The following MGLL variants were observed in gnomAD, a reference collection of about 807,000 sequenced individuals.
MGLL encodes lysophospholipase homolog.
A neutral mutation model predicts 29.1 loss-of-function variants in MGLL; 7 were observed. That is an observed-to-expected ratio of 0.24 (90% CI 0.14 to 0.45). The LOEUF is 0.45. Among genes scored for constraint, MGLL ranks in the 20% least tolerant of loss-of-function variants. The pLI, the probability that MGLL is intolerant of heterozygous loss-of-function variation, is 0.99. For missense variants in MGLL, 356 were observed against 413.6 expected (o/e 0.86, Z 1.21); for synonymous variants, 148 against 168.3 (o/e 0.88, Z 0.93).
At chr3:127,807,139 T>G (rs968362414) in intron 2 of MGLL, among the ~76,000 whole-genome samples, 1 of 152,196 alleles carries the variant, frequency 6.6e-6, no homozygotes, top group African/African-American at 2.4e-5. Context: ...TGTTGGTAGT[T>G]TTTTTAGTTT....
At chr3:127,768,079 A>G (rs925333185) in intron 3 of MGLL, among the ~76,000 whole-genome samples, 2 of 152,244 alleles carry the variant, frequency 1.3e-5, no homozygotes. Flanking sequence ...AAACTCCTTG[A>G]AAAACACTAC....
chr3:127,726,158 A>G (rs1404041726), intron 3 of MGLL, among the ~76,000 whole-genome samples: 2 of 29,232 alleles, frequency 6.8e-5, no homozygotes, highest in African/African-American at 2.7e-4. Context: ...GAAAGAAAGA[A>G]AGAAAGAAAG....
chr3:127,811,833 G>A (rs548103422), intron 2 of MGLL, among the ~76,000 whole-genome samples: 14 of 152,380 alleles, frequency 9.2e-5, no homozygotes, highest in African/African-American at 3.4e-4. Flanking sequence ...AGACTGGCAA[G>A]CCTCTAGCTG....
chr3:127,712,874 G>T (rs3773138), intron 5 of MGLL: 5,782 of 152,310 alleles, frequency 0.038, 132 homozygotes, highest in East Asian at 0.11. Context: ...TTTCAAACAC[G>T]GATCAAATGT....
At chr3:127,770,469 C>A (rs1183235620) in intron 3 of MGLL, among the ~76,000 whole-genome samples, 2 of 152,138 alleles carry the variant, frequency 1.3e-5, no homozygotes, top group African/African-American at 4.8e-5. Context: ...CCCCACAGCC[C>A]CTTGGAGGAT....
At chr3:127,750,788 T>C (rs574737260) in intron 3 of MGLL, among the ~76,000 whole-genome samples, 2 of 152,332 alleles carry the variant, frequency 1.3e-5, no homozygotes, top group African/African-American at 4.8e-5. Flanking sequence ...AATAAAGGCT[T>C]CCCTACCCCC....
At chr3:127,809,484 G>T (rs577782514) in intron 2 of MGLL, among the ~76,000 whole-genome samples, 2 of 152,186 alleles carry the variant, frequency 1.3e-5, no homozygotes, top group African/African-American at 4.8e-5. Flanking sequence ...AAATTGTCTG[G>T]GTATGGTGGC....
intron 3 of MGLL, among the ~76,000 whole-genome samples, chr3:127,735,476 T>G (rs980039606): frequency 6.6e-6 from 1 of 152,152 alleles, no homozygotes; most frequent in South Asian, 2.1e-4. Context: ...AAACACAAAG[T>G]GAAGAAAGCA....
chr3:127,746,413 T>C (rs1407707496), intron 3 of MGLL, among the ~76,000 whole-genome samples: 2 of 151,916 alleles, frequency 1.3e-5, no homozygotes, highest in Non-Finnish European at 2.9e-5. Context: ...CCCCAGGCGG[T>C]CCCCATTCAC....
intron 6 of MGLL, among the ~76,000 whole-genome samples, chr3:127,698,216 G>A (rs2075409975): frequency 6.6e-6 from 1 of 152,174 alleles, no homozygotes; most frequent in Admixed American, 6.5e-5. Context: ...GGAGGTGAGG[G>A]GCAGAGGGAA....
At chr3:127,790,362 A>T (rs543328361) in intron 2 of MGLL, among the ~76,000 whole-genome samples, 46 of 152,328 alleles carry the variant, frequency 3.0e-4, no homozygotes, top group African/African-American at 1.1e-3. Flanking sequence ...AAGCCATTTG[A>T]CAGATTAGGA....
At chr3:127,723,224 T>G (rs560506685) in intron 3 of MGLL, among the ~76,000 whole-genome samples, 1 of 152,312 alleles carries the variant, frequency 6.6e-6, no homozygotes, top group East Asian at 1.9e-4. Flanking sequence ...TCTCCCTCTT[T>G]GAAGGACATC....
chr3:127,736,343 C>G (rs536690299), intron 3 of MGLL: 1 of 985,872 alleles, frequency 1.0e-6, no homozygotes, highest in Non-Finnish European at 1.2e-6. Flanking sequence ...CTAAAAACAG[C>G]TGAAGTCAGG....
rs1004564473 is a variant in MGLL, at chr3:127,689,254, T to G, written c.*2944A>C. The stretch of plus-strand genomic sequence containing the variant: ...CAACAAGGTCTATGTTAGCAATTGG[T>G]GAAAGAAGAAGAGAGTGAGATGGGA... On this transcript the variant is annotated 3_prime_UTR_variant, in exon 8 of 8. Transcript: ENST00000265052. 6.6e-6 allele frequency: 1 copy of G among 152,086 alleles called. No individual in the cohort carries two copies. The highest frequency in any genetic ancestry group is 2.4e-5 in the African/African-American group (1 of 41,372). The allele number at this position is 152,086 out of a possible 1,614,324, so 9.4% of individuals were successfully genotyped here.
chr3:127,728,739 C>A (rs1361167967), intron 3 of MGLL, among the ~76,000 whole-genome samples: 1 of 152,166 alleles, frequency 6.6e-6, no homozygotes, highest in Non-Finnish European at 1.5e-5. Context: ...GGGTATGTGC[C>A]TAGATGCAGG....
At chr3:127,725,054 C>T (rs2076005861) in intron 3 of MGLL, among the ~76,000 whole-genome samples, 1 of 152,022 alleles carries the variant, frequency 6.6e-6, no homozygotes, top group South Asian at 2.1e-4. Context: ...GGGTGGTCCA[C>T]ACTCATGGCC....
chr3:127,721,833 A>T (rs2075931744), intron 4 of MGLL, among the ~76,000 whole-genome samples: 1 of 147,728 alleles, frequency 6.8e-6, no homozygotes, highest in African/African-American at 2.4e-5. Flanking sequence ...AAGCAGTTCA[A>T]TATATCTTGG....
intron 3 of MGLL, among the ~76,000 whole-genome samples, chr3:127,727,703 C>CT (rs2076071784): frequency 5.8e-5 from 2 of 34,522 alleles, no homozygotes; most frequent in Non-Finnish European, 1.5e-4. Context: ...CAGAGCAAGG[C>CT]TAAAAAAAAA....
At chr3:127,802,077 C>A (rs2077488395) in intron 2 of MGLL, among the ~76,000 whole-genome samples, 1 of 151,940 alleles carries the variant, frequency 6.6e-6, no homozygotes, top group Admixed American at 6.6e-5. Flanking sequence ...TAGTGTGGAC[C>A]CAGAATAATT....
Sources: allele counts gnomAD v4.1 joint callset (sites outside exome capture counted in the v4.1 genomes callset), GRCh38; gene constraint gnomAD v4.1.1; transcripts MANE v1.5; gene names NCBI Gene and HGNC (gene_info 2026-07-23, HGNC 2026-07-21).